PCDHA10: variants seen among roughly 807,000 people sequenced by gnomAD.
PCDHA10 encodes the protein protocadherin alpha-10.
A neutral mutation model predicts 61.2 loss-of-function variants in PCDHA10; 45 were observed. That is an observed-to-expected ratio of 0.74 (90% confidence interval 0.58 to 0.94). The LOEUF is 0.94. Ranked by LOEUF, PCDHA10 falls within the 40% of genes least tolerant of loss-of-function variation. The probability of loss-of-function intolerance (pLI) is 0.00; values close to 1 mark genes in which losing one functional copy is unlikely to be tolerated. For synonymous variants in PCDHA10, 602 were observed against 548.8 expected, an observed-to-expected ratio of 1.10 and a Z score of -1.35; for missense variants, 1,278 against 1,236.2, an observed-to-expected ratio of 1.03 and a Z score of -0.51.
chr5:140,858,054 T>G lies in PCDHA10; in HGVS notation c.2006T>G (p.Val669Gly). Reference sequence around the variant, plus strand: ...ACGGCCACTGTGCTTGTGTCGCTTGTGGAGGGCAGCCAGGCACCCAAGGCC... The same window carrying G: ...ACGGCCACTGTGCTTGTGTCGCTTGGGGAGGGCAGCCAGGCACCCAAGGCC... ...TATATVLVSL[V>G]EGSQAPKASS... Residue 669 changes from valine (V) to glycine (G), a missense_variant, in exon 1 of 4, where the codon GTG becomes GGG. Coordinates refer to ENST00000307360, the MANE Select transcript of PCDHA10 (RefSeq NM_018901.4). The G allele has an allele frequency of 1.3e-6, 2 of 1,597,316 alleles. No individual in the cohort carries two copies. The highest frequency in any genetic ancestry group is 2.2e-5 in the South Asian group (2 of 90,490).
In PCDHA10 at chr5:141,011,141, A is replaced by G. The variant is rs1039778930; in HGVS notation, c.*1204A>G. 3.9e-5 allele frequency: 6 copies of G among 153,668 alleles called. No homozygotes were observed. In the Admixed American group the frequency reaches 3.9e-4, roughly 10 times the overall value. The allele number at this position is 153,668 out of a possible 1,614,324, so 9.5% of individuals were successfully genotyped here. On this transcript the variant is annotated 3_prime_UTR_variant, in exon 4 of 4. Coordinates refer to ENST00000307360, the MANE Select transcript of PCDHA10 (RefSeq NM_018901.4). Reference sequence around the variant, plus strand: ...ACAATTATGTGCACTTTGATACACAACCTTCTCTAACCAACTATATATCAA... The same window carrying G: ...ACAATTATGTGCACTTTGATACACAGCCTTCTCTAACCAACTATATATCAA...
chr5:140,999,687 A>G (rs1554256930), intron 3 of PCDHA10, among the ~76,000 whole-genome samples: 2 of 152,044 alleles, frequency 1.3e-5, no homozygotes, highest in Non-Finnish European at 2.9e-5. Flanking sequence ...AGAAAGAAGA[A>G]ATGTGATTTT....
chr5:140,934,331 A>C (rs1313968911), intron 1 of PCDHA10, among the ~76,000 whole-genome samples: 1 of 152,116 alleles, frequency 6.6e-6, no homozygotes, highest in East Asian at 1.9e-4. Flanking sequence ...CATGAATGTA[A>C]TAACCACCAG....
At chr5:141,006,745 T>C (rs1554260891) in intron 3 of PCDHA10, among the ~76,000 whole-genome samples, 1 of 152,144 alleles carries the variant, frequency 6.6e-6, no homozygotes, top group Non-Finnish European at 1.5e-5. Flanking sequence ...TGATGTATTA[T>C]AAATGGAGAA....
chr5:140,968,057 C>G, intron 1 of PCDHA10: 1 of 1,614,110 alleles, frequency 6.2e-7, no homozygotes, highest in African/African-American at 1.3e-5. Flanking sequence ...GGACCGAGAG[C>G]GGGTGGCTGT....
intron 1 of PCDHA10, among the ~76,000 whole-genome samples, chr5:140,937,615 T>TCAAAAAAAAAAAAAAAAAAAAAAAAA (rs1472779704): frequency 4.0e-5 from 6 of 149,436 alleles, no homozygotes; most frequent in African/African-American, 1.5e-4. Flanking sequence ...ATACTCCATC[T>TCAAAAAAAAAAAAAAAAAAAAAAAAA]AAAAAGAAAA....
intron 1 of PCDHA10, chr5:140,875,379 G>A: frequency 1.4e-6 from 2 of 1,459,474 alleles, no homozygotes; most frequent in Non-Finnish European, 1.8e-6. Flanking sequence ...TACTAAATAT[G>A]TACTTACAGA....
chr5:140,983,768 T>G (rs1236827804), intron 3 of PCDHA10, among the ~76,000 whole-genome samples: 2 of 152,196 alleles, frequency 1.3e-5, no homozygotes, highest in African/African-American at 4.8e-5. Context: ...CAAATACATA[T>G]CTACATACAT....
chr5:141,009,580 G>A (rs1554262213), intron 3 of PCDHA10, 47 bp from the exon 4 acceptor site: 1 of 1,588,170 alleles, frequency 6.3e-7, no homozygotes, highest in South Asian at 1.2e-5. Flanking sequence ...GTGGCATCAA[G>A]AGCATGTGTT....
rs782766953 is a variant in PCDHA10 at position 140,875,544 on chromosome 5, G to C, written c.2388+17108G>C. On this transcript the variant is annotated intron_variant, in intron 1 of 3. Coordinates refer to ENST00000307360, the MANE Select transcript of PCDHA10 (RefSeq NM_018901.4). ...TCTCGCTTCTGCTCCTTGCAGCCTG[G>C]GAGGTGGGGAGCGGCCAGCTCCACT... 9.0e-5 allele frequency: 146 copies of C among 1,614,052 alleles called. No homozygotes were observed. The East Asian group carries it at 3.2e-3, about 36-fold the overall frequency.
At chr5:140,977,732 G>A (rs538865467) in intron 1 of PCDHA10, among the ~76,000 whole-genome samples, 2 of 152,048 alleles carry the variant, frequency 1.3e-5, no homozygotes, top group African/African-American at 2.4e-5. Flanking sequence ...TTCTCTCCTG[G>A]GTGTTATGAA....
chr5:140,924,064 G>A (rs1584331926), intron 1 of PCDHA10, among the ~76,000 whole-genome samples: 1 of 152,172 alleles, frequency 6.6e-6, no homozygotes. Context: ...CTTTACAGTT[G>A]TATTTCATCT....
At chr5:140,900,206 C>A (rs1286660558) in intron 1 of PCDHA10, among the ~76,000 whole-genome samples, 1 of 152,172 alleles carries the variant, frequency 6.6e-6, no homozygotes, top group Non-Finnish European at 1.5e-5. Flanking sequence ...CCAGTTTCAT[C>A]CAGGTTGTTG....
At chr5:140,967,146 A>G (rs782158011) in intron 1 of PCDHA10, 2 of 1,610,972 alleles carry the variant, frequency 1.2e-6, no homozygotes, top group South Asian at 1.1e-5. Flanking sequence ...CTGGCGCACA[A>G]CCCCGTGGCG....
intron 1 of PCDHA10, among the ~76,000 whole-genome samples, chr5:140,887,968 T>C (rs1434403033): frequency 6.6e-6 from 1 of 152,242 alleles, no homozygotes; most frequent in Non-Finnish European, 1.5e-5. Context: ...TTTGTCTCTT[T>C]TAAAATTTAT....
rs1554254172 is a variant in PCDHA10, at chr5:140,994,436, C to G, written c.2536+11873C>G. On this transcript the variant is annotated intron_variant, in intron 3 of 3. Coordinates refer to ENST00000307360, the MANE Select transcript of PCDHA10 (RefSeq NM_018901.4). ...TGGATATTGAGGCCGGGCGCAGTGG[C>G]TCACACCTGTGATCCCAGCACTTTG... 1.3e-5 allele frequency among the ~76,000 whole-genome samples: 2 copies of G among 152,164 alleles called. 1 individual carries two copies. Among genetic ancestry groups the G allele is most frequent in the African/African-American group, 4.8e-5 (2 of 41,432 alleles).
Position 140,884,220 on chromosome 5 carries a change from T to G in PCDHA10, c.2388+25784T>G, listed in dbSNP as rs1469726535. 4 of 1,613,408 alleles carry G rather than the reference T, an allele frequency of 2.5e-6. No homozygotes were observed. The highest frequency in any genetic ancestry group is 3.4e-6 in the Non-Finnish European group (4 of 1,179,728). On this transcript the variant is annotated intron_variant, in intron 1 of 3. Transcript: ENST00000307360. ...CCGCACCACCGCCTTCTGGTGCTGG[T>G]GAAGGACCACGGTGAGCCCGCGCTG...
chr5:140,985,228 C>G (rs1022229644), intron 3 of PCDHA10, among the ~76,000 whole-genome samples: 4 of 152,156 alleles, frequency 2.6e-5, no homozygotes, highest in Non-Finnish European at 4.4e-5. Context: ...TGAGCCACCG[C>G]GCCTGGCCTA....
At chr5:140,967,085 C>T in intron 1 of PCDHA10, 1 of 1,613,198 alleles carries the variant, frequency 6.2e-7, no homozygotes, top group Non-Finnish European at 8.5e-7. Context: ...GCGCATTGAT[C>T]GGGAGGCGCT....
Sources: allele counts gnomAD v4.1 joint callset (sites outside exome capture counted in the v4.1 genomes callset), GRCh38; gene constraint gnomAD v4.1.1; transcripts MANE v1.5; gene names NCBI Gene and HGNC (gene_info 2026-07-23, HGNC 2026-07-21).